The following SLC24A2 variants were observed in gnomAD, a reference collection of about 807,000 sequenced individuals.
The protein encoded by SLC24A2 is sodium/potassium/calcium exchanger 2.
SLC24A2 carries 36 observed loss-of-function variants against 62.0 expected under a neutral mutation model. That is an observed-to-expected ratio of 0.58 (90% confidence interval 0.44 to 0.77). The LOEUF is 0.77. Ranked by LOEUF, SLC24A2 falls within the 30% of genes least tolerant of loss-of-function variation. SLC24A2 has a pLI of 0.00. For missense variants in SLC24A2, 846 were observed against 817.9 expected (o/e 1.03, Z -0.42); for synonymous variants, 358 against 294.0 (o/e 1.22, Z -2.23).
At chr9:19,866,300 A>C in the SLC24A2 span, among the ~76,000 whole-genome samples, 1 of 152,230 alleles carries the variant, frequency 6.6e-6, no homozygotes, top group Non-Finnish European at 1.5e-5. Context: ...GAGATTCCTC[A>C]AAAAACTAAA....
intron 2 of SLC24A2, among the ~76,000 whole-genome samples, chr9:19,764,208 TC>T (rs1230921608): frequency 6.6e-6 from 1 of 152,226 alleles, no homozygotes; most frequent in East Asian, 1.9e-4. Context: ...TCTCTTTTCT[TC>T]TTTATTAGTC....
chr9:19,586,934 T>C (rs758941765), intron 5 of SLC24A2, among the ~76,000 whole-genome samples: 3 of 152,218 alleles, frequency 2.0e-5, no homozygotes, highest in Non-Finnish European at 4.4e-5. Flanking sequence ...TGTCTTCTTT[T>C]GTTCCCATCC....
chr9:20,000,022 G>T, the SLC24A2 span, among the ~76,000 whole-genome samples: 3 of 152,074 alleles, frequency 2.0e-5, no homozygotes, highest in Non-Finnish European at 4.4e-5. Flanking sequence ...ACCTGTGCTG[G>T]AGTCTCAGTC....
At chr9:19,663,807 C>T (rs1257467542) in intron 2 of SLC24A2, among the ~76,000 whole-genome samples, 1 of 152,212 alleles carries the variant, frequency 6.6e-6, no homozygotes, top group Non-Finnish European at 1.5e-5. Flanking sequence ...ACAGGAATCC[C>T]AGGGCTGCTG....
the SLC24A2 span, among the ~76,000 whole-genome samples, chr9:20,050,655 CTATT>C: frequency 6.6e-6 from 1 of 152,168 alleles, no homozygotes. Context: ...TGTATCAACT[CTATT>C]TGATAGGTGA....
At chr9:19,793,132 C>G (rs1005007277), upstream of SLC24A2, among the ~76,000 whole-genome samples, 3 of 152,182 alleles carry the variant, frequency 2.0e-5, no homozygotes, top group Non-Finnish European at 4.4e-5. Flanking sequence ...AATACAGTTA[C>G]TTAAAGGAAG....
chr9:20,177,628 A>G, the SLC24A2 span, among the ~76,000 whole-genome samples: 4 of 152,262 alleles, frequency 2.6e-5, no homozygotes, highest in East Asian at 3.9e-4. Flanking sequence ...TGGAGTAGCT[A>G]TAAGTCCTTA....
chr9:19,819,830 T>TA, the SLC24A2 span, among the ~76,000 whole-genome samples: 8 of 151,558 alleles, frequency 5.3e-5, no homozygotes, highest in African/African-American at 1.9e-4. Flanking sequence ...GAACTACCAT[T>TA]TGATCCAGCA....
chr9:19,681,241 C>T (rs1819713925), intron 2 of SLC24A2, among the ~76,000 whole-genome samples: 1 of 152,078 alleles, frequency 6.6e-6, no homozygotes, highest in Admixed American at 6.6e-5. Context: ...ATGCTGTTTA[C>T]ACTAGCTATC....
chr9:20,278,202 T>G, the SLC24A2 span, among the ~76,000 whole-genome samples: 1 of 152,052 alleles, frequency 6.6e-6, no homozygotes, highest in Admixed American at 6.5e-5. Context: ...ACCGGCACAC[T>G]GTGCACATGT....
At chr9:19,523,635 G>C (rs899825355) in intron 9 of SLC24A2, among the ~76,000 whole-genome samples, 1 of 151,874 alleles carries the variant, frequency 6.6e-6, no homozygotes, top group Non-Finnish European at 1.5e-5. Flanking sequence ...GCTAATTTTT[G>C]CATTTTTAGT....
chr9:19,769,992 AACTT>A (rs1291704169), intron 2 of SLC24A2, among the ~76,000 whole-genome samples: 5 of 151,776 alleles, frequency 3.3e-5, no homozygotes, highest in African/African-American at 1.2e-4. Flanking sequence ...TACTTTAGGT[AACTT>A]ACTTACCTAA....
At chr9:20,233,397 A>T in the SLC24A2 span, among the ~76,000 whole-genome samples, 1 of 152,112 alleles carries the variant, frequency 6.6e-6, no homozygotes, top group African/African-American at 2.4e-5. Flanking sequence ...TTGCTTTATG[A>T]ATCTGGGTTC....
At chr9:19,762,166 T>G (rs2118856211) in intron 2 of SLC24A2, among the ~76,000 whole-genome samples, 1 of 152,278 alleles carries the variant, frequency 6.6e-6, no homozygotes, top group Admixed American at 6.5e-5. Flanking sequence ...GTTGTTTTTT[T>G]CTTGTAAATT....
At chr9:19,688,483 G>T (rs1440621828) in intron 2 of SLC24A2, among the ~76,000 whole-genome samples, 1 of 152,068 alleles carries the variant, frequency 6.6e-6, no homozygotes, top group Non-Finnish European at 1.5e-5. Flanking sequence ...AGTCACTGGG[G>T]TATACGGAAA....
chr9:19,668,971 T>A (rs1819336409), intron 2 of SLC24A2, among the ~76,000 whole-genome samples: 1 of 152,226 alleles, frequency 6.6e-6, no homozygotes, highest in African/African-American at 2.4e-5. Flanking sequence ...CATCAGCCTG[T>A]CTCTGTTGGA....
the SLC24A2 span, among the ~76,000 whole-genome samples, chr9:20,122,499 C>T: frequency 6.6e-6 from 1 of 152,244 alleles, no homozygotes; most frequent in East Asian, 1.9e-4. Context: ...CCAGCCTGGC[C>T]AACACGGTGA....
At chr9:20,004,514 G>C in the SLC24A2 span, among the ~76,000 whole-genome samples, 1 of 152,142 alleles carries the variant, frequency 6.6e-6, no homozygotes, top group Non-Finnish European at 1.5e-5. Context: ...CCATAAATTT[G>C]TGTATGAGAC....
At chr9:19,542,172 C>G (rs758902623) in intron 8 of SLC24A2, among the ~76,000 whole-genome samples, 6 of 152,176 alleles carry the variant, frequency 3.9e-5, no homozygotes, top group African/African-American at 1.4e-4. Flanking sequence ...TCTTCTGCGT[C>G]GCTCACGCTG....
Sources: gnomAD v4.1 joint callset for allele counts (sites outside exome capture counted in the v4.1 genomes callset) on GRCh38, gnomAD v4.1.1 for gene constraint, MANE v1.5 for transcripts, NCBI Gene and HGNC (gene_info 2026-07-23, HGNC 2026-07-21) for gene names.